Variants in ANAPC4 observed in about 807,000 individuals in gnomAD.
ANAPC4 encodes anaphase promoting complex subunit 4.
ANAPC4 carries 63 observed loss-of-function variants against 119.8 expected under a neutral mutation model. The ratio of observed to expected loss-of-function variants is 0.53; its 90% CI spans 0.43 to 0.65. ANAPC4 has a LOEUF of 0.65. Ranked by LOEUF, ANAPC4 falls within the 30% of genes least tolerant of loss-of-function variation. The pLI is 0.00. For synonymous variants in ANAPC4, 283 were observed against 318.6 expected, an observed-to-expected ratio of 0.89 and a Z score of 1.19; for missense variants, 716 against 945.1, an observed-to-expected ratio of 0.76 and a Z score of 3.18.
intron 10 of ANAPC4, 143 bp from the exon 11 acceptor site, chr4:25,393,662 G>C (rs532946241): frequency 3.9e-6 from 2 of 507,906 alleles, no homozygotes; most frequent in Admixed American, 7.4e-5. Flanking sequence ...ACTCTGTCTC[G>C]ATAAATAAAT....
chr4:25,412,066 C>A (rs1322574186), intron 21 of ANAPC4, among the ~76,000 whole-genome samples: 1 of 152,124 alleles, frequency 6.6e-6, no homozygotes, highest in Admixed American at 6.5e-5. Context: ...CCAGAACCTT[C>A]CTCCCTTTCA....
At chr4:25,392,541 A>G (rs1722406385) in intron 10 of ANAPC4, 120 bp downstream of exon 10, 7 of 697,066 alleles carry the variant, frequency 1.0e-5, no homozygotes, top group Non-Finnish European at 1.5e-5. Flanking sequence ...CTAGTCTGAT[A>G]GATGATCTTA....
chr4:25,410,240 T>C (rs1448136942), intron 21 of ANAPC4, among the ~76,000 whole-genome samples: 1 of 152,156 alleles, frequency 6.6e-6, no homozygotes, highest in Admixed American at 6.5e-5. Flanking sequence ...GTCAGAATGT[T>C]AATACCGTAA....
chr4:25,385,561 C>T lies in ANAPC4; in HGVS notation c.368+2168C>T, dbSNP rs73254160. Among the ~76,000 whole-genome samples the T allele has an allele frequency of 6.9e-3, 1,058 of 152,304 alleles. 8 individuals are homozygous for T. The highest frequency in any genetic ancestry group is 0.01 in the Non-Finnish European group (690 of 68,022). On this transcript the variant is annotated intron_variant, in intron 4 of 28. Transcript: ENST00000315368. Reference sequence around the variant, plus strand: ...CTGTCCAGATCACTAAAACTTTCTCCATATCAGCAGTAAGGCTGTTTCACA... The same window carrying T: ...CTGTCCAGATCACTAAAACTTTCTCTATATCAGCAGTAAGGCTGTTTCACA...
chr4:25,394,152 A>T (rs1722506786), intron 11 of ANAPC4, among the ~76,000 whole-genome samples, 158 bp from the exon 12 acceptor site: 1 of 152,190 alleles, frequency 6.6e-6, no homozygotes. Flanking sequence ...AGAACAGCTG[A>T]TTGGCTATCT....
Position 25,382,453 on chromosome 4 carries a change from T to C in ANAPC4, c.236-808T>C, listed in dbSNP as rs533395203. 3.3e-5 allele frequency among the ~76,000 whole-genome samples: 5 copies of C among 152,352 alleles called. No individual in the cohort carries two copies. In the East Asian group the frequency reaches 9.6e-4, roughly 29 times the overall value. ...TAGAGGACTTTTATAAGTAAAGTTATGAGATCTTGCACTAAATCATTCAAA... is the reference window on the plus strand; with the variant it reads ...TAGAGGACTTTTATAAGTAAAGTTACGAGATCTTGCACTAAATCATTCAAA... On this transcript the variant is annotated intron_variant, in intron 3 of 28. Coordinates refer to ENST00000315368, the MANE Select transcript of ANAPC4 (RefSeq NM_013367.3).
At chr4:25,387,321 G>A (rs188846874) in intron 4 of ANAPC4, among the ~76,000 whole-genome samples, 4 of 152,192 alleles carry the variant, frequency 2.6e-5, no homozygotes, top group Admixed American at 2.6e-4. Context: ...TTCTAATTAA[G>A]TTATACTAAG....
At chr4:25,391,349 T>A (rs904272618) in intron 9 of ANAPC4, among the ~76,000 whole-genome samples, 4 of 152,252 alleles carry the variant, frequency 2.6e-5, no homozygotes, top group Admixed American at 2.6e-4. Flanking sequence ...TTGTTTAATA[T>A]GTGCCATATG....
At chr4:25,383,598 T>G (rs371045453) in intron 4 of ANAPC4, among the ~76,000 whole-genome samples, 6 of 152,160 alleles carry the variant, frequency 3.9e-5, no homozygotes, top group African/African-American at 1.2e-4. Flanking sequence ...AGAGATATTG[T>G]GGGCTTGGTT....
In ANAPC4 at chr4:25,405,680, TG is replaced by T. The variant is rs1322697242; in HGVS notation, c.1317+63del. 8.7e-6 allele frequency: 13 copies of T among 1,500,028 alleles called. No individual in the cohort carries two copies. The highest frequency in any genetic ancestry group is 1.7e-4 in the Middle Eastern group (1 of 5,844). The allele number at this position is 1,500,028 out of a possible 1,614,324, so 92.9% of individuals were successfully genotyped here. ...TTGTCCTGCTTGAACTCAGCTGTGCTGGTCATTTTGGTACTCTTATTCAGTT... is the reference window on the plus strand; with the variant it reads ...TTGTCCTGCTTGAACTCAGCTGTGCTGTCATTTTGGTACTCTTATTCAGTT... On this transcript the variant is annotated intron_variant, in intron 18 of 28. Transcript: ENST00000315368. This position sits in a 1 kb window ranked among gnomAD's most constrained non-coding sequence, Gnocchi z 4.6.
chr4:25,391,830 A>G (rs1560434452), intron 9 of ANAPC4, among the ~76,000 whole-genome samples: 1 of 152,216 alleles, frequency 6.6e-6, no homozygotes. Context: ...CACTATGGTA[A>G]TGGTTGTTCA....
At chr4:25,398,026 G>A (rs1376402292) in intron 16 of ANAPC4, among the ~76,000 whole-genome samples, 1 of 152,058 alleles carries the variant, frequency 6.6e-6, no homozygotes, top group East Asian at 1.9e-4. Flanking sequence ...TCAGCCTCCT[G>A]AGGAGCTGGG....
intron 26 of ANAPC4, 48 bp from the exon 27 acceptor site, chr4:25,416,377 C>T (rs2109148739): frequency 3.1e-6 from 4 of 1,302,064 alleles, no homozygotes; most frequent in South Asian, 2.1e-5. Context: ...AATATTTTCT[C>T]AGTAGTCACG....
chr4:25,389,144 C>G (rs1577376202), intron 7 of ANAPC4, among the ~76,000 whole-genome samples: 2 of 150,984 alleles, frequency 1.3e-5, no homozygotes, highest in South Asian at 2.1e-4. Flanking sequence ...AGGCACGCGC[C>G]ACCACACCCA....
In ANAPC4 at chr4:25,405,751, C is replaced by A; in HGVS notation, c.1317+132C>A. Reference sequence around the variant, plus strand: ...GGATGTAGACGTTAGATCCCTTAAGCACCACCTTTTTAAAAAAGAAATTTG... The same window carrying A: ...GGATGTAGACGTTAGATCCCTTAAGAACCACCTTTTTAAAAAAGAAATTTG... On this transcript the variant is annotated intron_variant, in intron 18 of 28. Transcript: ENST00000315368. This position sits in a 1 kb window ranked among gnomAD's most constrained non-coding sequence, Gnocchi z 4.6. 1 of 747,510 alleles carries A rather than the reference C, an allele frequency of 1.3e-6. No homozygotes were observed. Among genetic ancestry groups the A allele is most frequent in the Non-Finnish European group, 2.2e-6 (1 of 462,110 alleles). The allele number at this position is 747,510 out of a possible 1,614,324, so 46.3% of individuals were successfully genotyped here.
At chr4:25,404,187 G>T (rs1723129315) in intron 17 of ANAPC4, among the ~76,000 whole-genome samples, 1 of 152,040 alleles carries the variant, frequency 6.6e-6, no homozygotes, top group Admixed American at 6.5e-5. Context: ...TAACATAATT[G>T]CTTTTGTTTA....
chr4:25,416,153 A>G, intron 26 of ANAPC4: 1 of 264,188 alleles, frequency 3.8e-6, no homozygotes, highest in East Asian at 7.1e-5. Flanking sequence ...AGGCCTAACC[A>G]TTGATGGCCA....
In ANAPC4 at chr4:25,417,666, A is replaced by C. The variant is rs746566068; in HGVS notation, c.2126A>C (p.Lys709Thr). The C allele has an allele frequency of 3.1e-6, 5 of 1,613,506 alleles. No individual in the cohort carries two copies. The highest frequency in any genetic ancestry group is 4.2e-6 in the Non-Finnish European group (5 of 1,179,772). The change falls in exon 28 of 29, where the codon AAG becomes ACG. Residue 709 changes from lysine (K) to threonine (T), a missense_variant. By Grantham distance (78) the Lys-to-Thr change is moderately conservative. This residue lies in a region of ANAPC4 where 504 missense variants were observed against 615.8 expected (regional missense o/e 0.82). Transcript: ENST00000315368. ...CCCACCCGTACCATGCATTTTGAGA[A>C]GCACTGGAGATTACTGGAAAGTATG... ...AIPTRTMHFE[K>T]HWRLLESMKA...
chr4:25,408,112 T>C (rs1560445085), intron 20 of ANAPC4, among the ~76,000 whole-genome samples: 2 of 152,182 alleles, frequency 1.3e-5, no homozygotes, highest in African/African-American at 4.8e-5. Context: ...GTTTCTATAG[T>C]ATCAGTGTAT....
Sources: allele counts gnomAD v4.1 joint callset (sites outside exome capture counted in the v4.1 genomes callset), GRCh38; gene constraint gnomAD v4.1.1; regional missense constraint gnomAD v4.1.1; non-coding constraint Gnocchi (gnomAD v3.1); transcripts MANE v1.5; gene names NCBI Gene and HGNC (gene_info 2026-07-23, HGNC 2026-07-21).